CDS2: variants seen among roughly 807,000 people sequenced by gnomAD.
The protein encoded by CDS2 is phosphatidate cytidylyltransferase 2.
In CDS2, 47 loss-of-function variants were observed where a neutral mutation model predicts 59.0. The ratio of observed to expected loss-of-function variants is 0.80; its 90% CI spans 0.63 to 1.02. CDS2 has a LOEUF of 1.02. Among genes scored for constraint, CDS2 ranks in the 50% least tolerant of loss-of-function variants. CDS2 has a pLI of 0.00. For synonymous variants in CDS2, 207 were observed against 206.4 expected (o/e 1.00, Z -0.02); for missense variants, 356 against 558.9 (o/e 0.64, Z 3.66).
chr20:5,183,659 G>A (rs936490021), intron 7 of CDS2, among the ~76,000 whole-genome samples: 1 of 152,198 alleles, frequency 6.6e-6, no homozygotes, highest in African/African-American at 2.4e-5. Context: ...AAGCCAATGA[G>A]GAGAGAGAAG....
At chr20:5,183,018 A>C (rs369831118) in intron 6 of CDS2, 43 bp from the exon 7 acceptor site, 7 of 1,508,686 alleles carry the variant, frequency 4.6e-6, no homozygotes, top group Non-Finnish European at 6.4e-6. Flanking sequence ...AGTTACTTTC[A>C]AGGTAAACTG....
chr20:5,175,301 T>A (rs767353813), intron 3 of CDS2, 22 bp downstream of exon 3: 1 of 1,594,526 alleles, frequency 6.3e-7, no homozygotes, highest in Admixed American at 1.7e-5. Flanking sequence ...TTCACACTAT[T>A]TTAGTTTTCC....
intron 1 of CDS2, among the ~76,000 whole-genome samples, chr20:5,165,339 T>A (rs2090905619): frequency 6.6e-6 from 1 of 152,162 alleles, no homozygotes; most frequent in Non-Finnish European, 1.5e-5. Context: ...AAATGAATTG[T>A]CAGCCTACGC....
At chr20:5,176,787 A>G in intron 4 of CDS2, 42 bp downstream of exon 4, 2 of 1,413,240 alleles carry the variant, frequency 1.4e-6, no homozygotes, top group Non-Finnish European at 1.0e-6. Context: ...AATTTGGATG[A>G]TGTGCTTTGT....
intron 1 of CDS2, among the ~76,000 whole-genome samples, chr20:5,141,453 G>C (rs756897688): frequency 7.2e-5 from 11 of 152,154 alleles, no homozygotes; most frequent in African/African-American, 2.7e-4. Context: ...CACATGCTGG[G>C]GGGGTGGTGC....
intron 1 of CDS2, among the ~76,000 whole-genome samples, chr20:5,148,697 T>C (rs1356757632): frequency 1.3e-5 from 2 of 152,188 alleles, no homozygotes; most frequent in Non-Finnish European, 2.9e-5. Context: ...GAGTAGAATC[T>C]CCCCCTACAA....
chr20:5,130,408 T>A (rs1310165848), intron 1 of CDS2, among the ~76,000 whole-genome samples: 1 of 152,230 alleles, frequency 6.6e-6, no homozygotes, highest in African/African-American at 2.4e-5. Context: ...TTTAAGGAAA[T>A]GCATTATGAA....
At chr20:5,176,289 G>A in intron 3 of CDS2, 1 of 181,176 alleles carries the variant, frequency 5.5e-6, no homozygotes, top group Non-Finnish European at 1.2e-5. Context: ...GGGTGCGGTG[G>A]CTCACGCCTG....
chr20:5,158,061 A>G (rs1287891466), intron 1 of CDS2, among the ~76,000 whole-genome samples: 7 of 151,628 alleles, frequency 4.6e-5, no homozygotes. Context: ...GTTTTAGCTT[A>G]TCAGCTATCG....
chr20:5,155,709 G>A (rs2090828400), intron 1 of CDS2, among the ~76,000 whole-genome samples: 1 of 152,348 alleles, frequency 6.6e-6, no homozygotes, highest in East Asian at 1.9e-4. Context: ...CTTTTGCCAT[G>A]TAAGGTAATA....
chr20:5,131,957 TATTC>T (rs1241624521), intron 1 of CDS2, among the ~76,000 whole-genome samples: 5 of 152,262 alleles, frequency 3.3e-5, no homozygotes, highest in African/African-American at 9.6e-5. Flanking sequence ...AAAACTTTAA[TATTC>T]ATCTTACACA....
At chr20:5,128,657 T>C (rs2090577229) in intron 1 of CDS2, 2 of 152,200 alleles carry the variant, frequency 1.3e-5, no homozygotes, top group Admixed American at 1.3e-4. Context: ...TAGCAGTCGC[T>C]TGCAGAGACA....
rs557064948 is a variant in CDS2 at position 5,184,486 on chromosome 20, C to G, written c.672-372C>G. 1.3e-5 allele frequency among the ~76,000 whole-genome samples: 2 copies of G among 151,886 alleles called. No individual in the cohort carries two copies. The highest frequency in any genetic ancestry group is 2.9e-5 in the Non-Finnish European group (2 of 67,978). On this transcript the variant is annotated intron_variant, in intron 7 of 12. Transcript: ENST00000460006. The surrounding 1 kb of genome is among the most constrained non-coding windows in gnomAD (Gnocchi z 4.3). ...CCACTAGAAAAATAAAAATTAGAAA[C>G]GATTAGAAGTGGTTATTTTTGGGAA... is the stretch of plus-strand genomic sequence containing the variant.
At chr20:5,189,693 G>A in intron 11 of CDS2, 42 bp from the exon 12 acceptor site, 3 of 1,492,748 alleles carry the variant, frequency 2.0e-6, no homozygotes, top group South Asian at 2.3e-5. Flanking sequence ...ATTGGTTAGT[G>A]GCTGAGCCCA....
At chr20:5,129,563 C>T (rs932934960) in intron 1 of CDS2, among the ~76,000 whole-genome samples, 9 of 151,826 alleles carry the variant, frequency 5.9e-5, no homozygotes, top group East Asian at 3.9e-4. Context: ...CTGCCTCAGC[C>T]GCCCGAGTAG....
At chr20:5,129,567 C>T (rs75375630) in intron 1 of CDS2, among the ~76,000 whole-genome samples, 14 of 151,908 alleles carry the variant, frequency 9.2e-5, no homozygotes, top group African/African-American at 2.4e-4. Flanking sequence ...CTCAGCCGCC[C>T]GAGTAGCTGG....
intron 1 of CDS2, among the ~76,000 whole-genome samples, chr20:5,150,298 G>A (rs2090778336): frequency 6.6e-6 from 1 of 152,166 alleles, no homozygotes; most frequent in South Asian, 2.1e-4. Context: ...AGAAGCATTG[G>A]CCCTTGTTTT....
intron 11 of CDS2, among the ~76,000 whole-genome samples, 193 bp downstream of exon 11, chr20:5,189,379 G>T (rs878898747): frequency 1.3e-5 from 2 of 152,072 alleles, no homozygotes; most frequent in Admixed American, 1.3e-4. Flanking sequence ...TTGTTTTTCA[G>T]TTTATTTGTT....
At chr20:5,150,628 C>T (rs1183325997) in intron 1 of CDS2, among the ~76,000 whole-genome samples, 1 of 152,206 alleles carries the variant, frequency 6.6e-6, no homozygotes, top group African/African-American at 2.4e-5. Context: ...AGCAAGGGCA[C>T]CCTGGAGCAG....
Sources: gnomAD v4.1 joint callset for allele counts (sites outside exome capture counted in the v4.1 genomes callset) on GRCh38, gnomAD v4.1.1 for gene constraint, Gnocchi (gnomAD v3.1) non-coding constraint, MANE v1.5 for transcripts, NCBI Gene and HGNC (gene_info 2026-07-23, HGNC 2026-07-21) for gene names.